Variants in DLG2 observed in about 807,000 individuals in gnomAD.
The protein encoded by DLG2 is discs large MAGUK scaffold protein 2, also known as disks large homolog 2.
Under a neutral mutation model 132.5 loss-of-function variants are expected in DLG2, and 45 were observed. The ratio of observed to expected loss-of-function variants is 0.34; its 90% CI spans 0.27 to 0.44. DLG2 has a LOEUF of 0.44. Among genes scored for constraint, DLG2 ranks in the 20% least tolerant of loss-of-function variants. The probability of loss-of-function intolerance (pLI) is 1.00; values close to 1 mark genes in which losing one functional copy is unlikely to be tolerated. For synonymous variants in DLG2, 424 were observed against 419.6 expected, an observed-to-expected ratio of 1.01 and a Z score of -0.13; for missense variants, 1,045 against 1,196.9, an observed-to-expected ratio of 0.87 and a Z score of 1.87.
chr11:85,032,043 T>A (rs978191230), intron 6 of DLG2, among the ~76,000 whole-genome samples: 5 of 146,366 alleles, frequency 3.4e-5, no homozygotes, highest in African/African-American at 1.3e-4. Flanking sequence ...CCTAAAGTGA[T>A]CTGCCCACCC....
At position 83,471,805 on chromosome 11, in the gene DLG2, CTTAA is replaced by C; in HGVS notation, c.2345-82_2345-79del. 2.6e-6 allele frequency: 3 copies of C among 1,167,784 alleles called. 1 individual carries two copies. In the South Asian group the frequency reaches 3.9e-5, roughly 15 times the overall value. 72.3% of individuals were successfully genotyped at this position (1,167,784 alleles called of 1,614,324 possible). ...GCAAAACTGTCCTGCAAGGGTGATTCTTAATTGCCAGACAGTAAGAGATGCTAAG... is the reference window on the plus strand; with the variant it reads ...GCAAAACTGTCCTGCAAGGGTGATTCTTGCCAGACAGTAAGAGATGCTAAG... On this transcript the variant is annotated intron_variant, in intron 23 of 27. Transcript: ENST00000376104.
At chr11:83,669,118 C>T (rs1420888483) in intron 18 of DLG2, among the ~76,000 whole-genome samples, 1 of 152,104 alleles carries the variant, frequency 6.6e-6, no homozygotes, top group Non-Finnish European at 1.5e-5. Context: ...TGAACCCCTG[C>T]TACTGTGTGC....
At chr11:84,635,029 G>A (rs1246457743) in intron 6 of DLG2, among the ~76,000 whole-genome samples, 1 of 152,242 alleles carries the variant, frequency 6.6e-6, no homozygotes, top group Non-Finnish European at 1.5e-5. Context: ...GATGACAACA[G>A]GGGCCTCTGC....
chr11:84,651,971 G>C (rs1241923380), intron 6 of DLG2, among the ~76,000 whole-genome samples: 1 of 152,110 alleles, frequency 6.6e-6, no homozygotes, highest in Non-Finnish European at 1.5e-5. Context: ...GGGAGATGAA[G>C]AATATCACTG....
At chr11:84,615,970 T>C (rs1285768953) in intron 6 of DLG2, among the ~76,000 whole-genome samples, 2 of 151,970 alleles carry the variant, frequency 1.3e-5, no homozygotes, top group Admixed American at 6.6e-5. Flanking sequence ...ACGAGGTTCA[T>C]GTTCTTATGG....
intron 12 of DLG2, among the ~76,000 whole-genome samples, chr11:83,972,658 C>T (rs766238668): frequency 2.6e-5 from 4 of 152,134 alleles, no homozygotes; most frequent in African/African-American, 4.8e-5. Flanking sequence ...AAAAAATGAT[C>T]GCAGAACACC....
chr11:83,742,013 G>A (rs889175726), intron 18 of DLG2, among the ~76,000 whole-genome samples: 2 of 152,142 alleles, frequency 1.3e-5, no homozygotes, highest in Non-Finnish European at 2.9e-5. Flanking sequence ...TGAGAATGCT[G>A]TCTCCCAGAA....
At chr11:83,700,667 A>G (rs142557948) in intron 18 of DLG2, among the ~76,000 whole-genome samples, 197 of 152,336 alleles carry the variant, frequency 1.3e-3, no homozygotes, top group African/African-American at 4.6e-3. Context: ...TTCCTAAAAA[A>G]TTTATTCAAT....
chr11:85,022,349 ACTT>A (rs1409635124), intron 6 of DLG2, among the ~76,000 whole-genome samples: 1 of 152,120 alleles, frequency 6.6e-6, no homozygotes, highest in Non-Finnish European at 1.5e-5. Context: ...AAATCGATAA[ACTT>A]CTCACAGATC....
chr11:83,875,040 C>A (rs950079812), intron 15 of DLG2, among the ~76,000 whole-genome samples: 13 of 152,048 alleles, frequency 8.5e-5, no homozygotes, highest in Non-Finnish European at 1.3e-4. Context: ...AAATTTTACA[C>A]AGAACCTAAT....
rs542906695 is a variant in DLG2 at position 84,486,276 on chromosome 11, AT to A, written c.519+48293del. Among the ~76,000 whole-genome samples the A allele has an allele frequency of 2.9e-3, 437 of 152,224 alleles. 10 individuals carry two copies. The highest frequency in any genetic ancestry group is 0.025 in the Admixed American group (386 of 15,272). On this transcript the variant is annotated intron_variant, in intron 7 of 27. Transcript: ENST00000376104. ...CTTTAGCAAGGCTCAAGCACCTTAA[AT>A]TTTTGAAGATTATGATCCATAAGTT...
intron 3 of DLG2, among the ~76,000 whole-genome samples, chr11:85,314,656 A>T (rs1191340817): frequency 6.6e-6 from 1 of 151,966 alleles, no homozygotes; most frequent in African/African-American, 2.4e-5. Context: ...GAGAAATACT[A>T]CAGAAGAAAA....
intron 23 of DLG2, among the ~76,000 whole-genome samples, chr11:83,472,172 CTA>C (rs1370995635): frequency 4.6e-5 from 7 of 152,114 alleles, no homozygotes; most frequent in African/African-American, 1.7e-4. Context: ...AAAATACTCT[CTA>C]TACTTTGCTA....
intron 3 of DLG2, among the ~76,000 whole-genome samples, chr11:85,335,218 A>C (rs1277490758): frequency 6.7e-6 from 1 of 150,144 alleles, no homozygotes; most frequent in Admixed American, 6.7e-5. Context: ...GTGAAATAAT[A>C]ATGTGAAATA....
chr11:83,802,055 T>C (rs1293211037), intron 17 of DLG2, among the ~76,000 whole-genome samples: 1 of 151,908 alleles, frequency 6.6e-6, no homozygotes, highest in Non-Finnish European at 1.5e-5. Flanking sequence ...TCTTTGAGGG[T>C]GAGGCCCAAG....
intron 7 of DLG2, among the ~76,000 whole-genome samples, chr11:84,360,618 C>T (rs1200449589): frequency 6.6e-6 from 1 of 151,816 alleles, no homozygotes; most frequent in East Asian, 1.9e-4. Flanking sequence ...TCTAGTTTCT[C>T]CAATGCACTG....
At chr11:84,408,777 C>T (rs2098876740) in intron 7 of DLG2, among the ~76,000 whole-genome samples, 1 of 152,100 alleles carries the variant, frequency 6.6e-6, no homozygotes, top group Non-Finnish European at 1.5e-5. Context: ...CACTTATATC[C>T]AGGCAGTCAC....
chr11:84,102,334 T>G (rs986084736), intron 9 of DLG2, among the ~76,000 whole-genome samples: 1 of 152,080 alleles, frequency 6.6e-6, no homozygotes, highest in Non-Finnish European at 1.5e-5. Context: ...TAGCACATAG[T>G]ATTGACAATA....
intron 3 of DLG2, among the ~76,000 whole-genome samples, chr11:85,516,498 G>A (rs1172027353): frequency 1.3e-5 from 2 of 151,950 alleles, no homozygotes; most frequent in Non-Finnish European, 2.9e-5. Flanking sequence ...CAAATGAAAA[G>A]TTTGTTTTCT....
Sources: allele counts gnomAD v4.1 joint callset (sites outside exome capture counted in the v4.1 genomes callset), GRCh38; gene constraint gnomAD v4.1.1; transcripts MANE v1.5; gene names NCBI Gene and HGNC (gene_info 2026-07-23, HGNC 2026-07-21).